FIRRM: variants seen among roughly 807,000 people sequenced by gnomAD.
FIRRM encodes FIGNL1 interacting regulator of recombination and mitosis.
chr1:169,821,856 A>G, the FIRRM span: 6 of 756,972 alleles, frequency 7.9e-6, no homozygotes, highest in Admixed American at 8.5e-5. Context: ...AAGCTCAGAT[A>G]GCATATAACT....
the FIRRM span, among the ~76,000 whole-genome samples, chr1:169,797,761 C>T: frequency 6.6e-6 from 1 of 152,072 alleles, no homozygotes; most frequent in South Asian, 2.1e-4. Context: ...CCAGGCTGGT[C>T]TCGAACTCCT....
At chr1:169,847,131 G>T in the FIRRM span, among the ~76,000 whole-genome samples, 1 of 151,970 alleles carries the variant, frequency 6.6e-6, no homozygotes, top group Non-Finnish European at 1.5e-5. Context: ...AGTTTGTGGT[G>T]CTCCAAAACA....
At chr1:169,801,620 AAAGCTGGAATATTGGCAAAATC>A in the FIRRM span, among the ~76,000 whole-genome samples, 3 of 148,636 alleles carry the variant, frequency 2.0e-5, no homozygotes, top group East Asian at 5.9e-4. Context: ...AAAAAAAAGA[AAAGCTGGAATATTGGCAAAATC>A]AAGTAACTAA....
At chr1:169,820,180 A>G in the FIRRM span, among the ~76,000 whole-genome samples, 1 of 152,154 alleles carries the variant, frequency 6.6e-6, no homozygotes, top group Non-Finnish European at 1.5e-5. Context: ...GTAACAGAAA[A>G]GATAAGAAAG....
At chr1:169,816,704 T>G in the FIRRM span, among the ~76,000 whole-genome samples, 2 of 152,222 alleles carry the variant, frequency 1.3e-5, no homozygotes, top group African/African-American at 2.4e-5. Flanking sequence ...GAAAGTGACA[T>G]TCTTTATTTA....
At chr1:169,828,524 G>A in the FIRRM span, among the ~76,000 whole-genome samples, 11 of 151,160 alleles carry the variant, frequency 7.3e-5, no homozygotes, top group Non-Finnish European at 1.2e-4. Context: ...TCTTCTTTAC[G>A]TACTTACAAT....
the FIRRM span, among the ~76,000 whole-genome samples, chr1:169,811,855 AATAG>A: frequency 8.9e-4 from 136 of 152,044 alleles, 1 homozygote; most frequent in African/African-American, 2.4e-3. Flanking sequence ...CTAAATAGAT[AATAG>A]ATAGATAGAT....
chr1:169,796,199 G>A, the FIRRM span, among the ~76,000 whole-genome samples: 90,152 of 152,048 alleles, frequency 0.59, 27,001 homozygotes, highest in Middle Eastern at 0.68. Flanking sequence ...TTTTGTGTAG[G>A]TACAGAACTG....
At chr1:169,829,264 A>C in the FIRRM span, 2 of 1,555,378 alleles carry the variant, frequency 1.3e-6, no homozygotes, top group East Asian at 4.6e-5. Context: ...TCCCTGCAGG[A>C]TATCTCTACT....
the FIRRM span, among the ~76,000 whole-genome samples, chr1:169,810,346 C>T: frequency 6.6e-6 from 1 of 152,140 alleles, no homozygotes; most frequent in African/African-American, 2.4e-5. Context: ...CCTGGGGTTG[C>T]CGTAACAAGT....
chr1:169,853,076 T>G, the FIRRM span: 1 of 1,255,128 alleles, frequency 8.0e-7, no homozygotes, highest in Non-Finnish European at 1.1e-6. Context: ...AAAACAAATT[T>G]TGTAAAGTTG....
the FIRRM span, among the ~76,000 whole-genome samples, chr1:169,837,990 T>C: frequency 5.9e-5 from 9 of 152,080 alleles, no homozygotes; most frequent in African/African-American, 2.2e-4. Flanking sequence ...CAGGCTGGAG[T>C]GCAATGGTGT....
the FIRRM span, among the ~76,000 whole-genome samples, chr1:169,812,243 G>C: frequency 3.9e-3 from 588 of 152,290 alleles, 2 homozygotes; most frequent in African/African-American, 0.013. Context: ...AAACAAATAA[G>C]TTGTGTGTCA....
the FIRRM span, among the ~76,000 whole-genome samples, chr1:169,823,076 A>G: frequency 6.7e-6 from 1 of 150,098 alleles, no homozygotes; most frequent in Non-Finnish European, 1.5e-5. Context: ...ACATGGTGAA[A>G]CCCCTCCTCT....
At chr1:169,822,128 A>G in the FIRRM span, among the ~76,000 whole-genome samples, 2 of 152,218 alleles carry the variant, frequency 1.3e-5, no homozygotes, top group East Asian at 3.8e-4. Context: ...GATGGGTAAC[A>G]ACTACCCGTC....
chr1:169,822,007 G>A, the FIRRM span, among the ~76,000 whole-genome samples: 1 of 152,178 alleles, frequency 6.6e-6, no homozygotes, highest in African/African-American at 2.4e-5. Context: ...GGAAAAAGCT[G>A]ATGGTCATTT....
chr1:169,793,390 C>G, the FIRRM span: 7 of 1,614,046 alleles, frequency 4.3e-6, no homozygotes, highest in Admixed American at 3.3e-5. Flanking sequence ...GCATAGCATG[C>G]TCTTTGGCAG....
the FIRRM span, among the ~76,000 whole-genome samples, chr1:169,817,304 T>C: frequency 6.6e-6 from 1 of 152,194 alleles, no homozygotes; most frequent in Non-Finnish European, 1.5e-5. Flanking sequence ...GTCAAAGTCC[T>C]GTAGCTGATT....
the FIRRM span, among the ~76,000 whole-genome samples, chr1:169,846,175 T>G: frequency 7.9e-5 from 12 of 152,340 alleles, no homozygotes; most frequent in African/African-American, 2.9e-4. Flanking sequence ...AATCTTTTTT[T>G]CTGAGCAGTA....
Sources: allele counts gnomAD v4.1 joint callset (sites outside exome capture counted in the v4.1 genomes callset), GRCh38; gene constraint gnomAD v4.1.1; transcripts MANE v1.5; gene names NCBI Gene and HGNC (gene_info 2026-07-23, HGNC 2026-07-21).